The following ARHGAP15 variants were observed in gnomAD, a reference collection of about 807,000 sequenced individuals.
ARHGAP15 encodes the protein rho GTPase-activating protein 15.
In ARHGAP15, 51 loss-of-function variants were observed where a neutral mutation model predicts 63.7. That is an observed-to-expected ratio of 0.80 (90% CI 0.64 to 1.01). ARHGAP15 has a LOEUF of 1.01. ARHGAP15 is among the 50% of genes least tolerant of loss of function. The pLI is 0.00. For synonymous variants in ARHGAP15, 191 were observed against 193.8 expected (o/e 0.99, Z 0.12); for missense variants, 560 against 564.6 (o/e 0.99, Z 0.08).
intron 6 of ARHGAP15, among the ~76,000 whole-genome samples, chr2:143,418,317 C>G (rs1000002339): frequency 1.3e-5 from 2 of 152,148 alleles, no homozygotes; most frequent in Non-Finnish European, 2.9e-5. Flanking sequence ...GCTGAGACAC[C>G]TGTTGTCCTC....
chr2:143,615,197 G>C (rs557446140), intron 11 of ARHGAP15, among the ~76,000 whole-genome samples: 1 of 152,084 alleles, frequency 6.6e-6, no homozygotes, highest in Non-Finnish European at 1.5e-5. Context: ...CTTCATTTTG[G>C]TTGTCTTAAT....
At chr2:143,416,318 C>T (rs149729989) in intron 6 of ARHGAP15, among the ~76,000 whole-genome samples, 96 of 152,256 alleles carry the variant, frequency 6.3e-4, no homozygotes, top group Middle Eastern at 3.4e-3. Flanking sequence ...AGTCTGTATT[C>T]TCCAAGTCTT....
At chr2:143,288,910 G>A (rs938121600) in intron 6 of ARHGAP15, among the ~76,000 whole-genome samples, 1 of 151,716 alleles carries the variant, frequency 6.6e-6, no homozygotes, top group South Asian at 2.1e-4. Context: ...CTTTGTTGTT[G>A]AATCAGGGAC....
intron 8 of ARHGAP15, among the ~76,000 whole-genome samples, chr2:143,464,791 T>C (rs1278906418): frequency 6.6e-6 from 1 of 152,146 alleles, no homozygotes; most frequent in African/African-American, 2.4e-5. Flanking sequence ...TTATCATAGG[T>C]AATCATGATA....
intron 6 of ARHGAP15, among the ~76,000 whole-genome samples, chr2:143,379,113 C>G (rs182693928): frequency 1.2e-3 from 178 of 152,030 alleles, no homozygotes; most frequent in African/African-American, 4.0e-3. Context: ...CATATGCACT[C>G]ATTAAAAGCA....
At chr2:143,647,331 A>G (rs1317714137) in intron 12 of ARHGAP15, among the ~76,000 whole-genome samples, 3 of 150,358 alleles carry the variant, frequency 2.0e-5, no homozygotes, top group Non-Finnish European at 4.4e-5. Flanking sequence ...TCAATTGAGC[A>G]TGGTTAATTA....
chr2:143,183,081 T>C (rs950956816), intron 2 of ARHGAP15, among the ~76,000 whole-genome samples: 4 of 152,198 alleles, frequency 2.6e-5, no homozygotes, highest in Non-Finnish European at 2.9e-5. Flanking sequence ...TCGGCCTAAC[T>C]GGCAGCAAAG....
At chr2:143,190,536 C>T (rs1045953224) in intron 2 of ARHGAP15, among the ~76,000 whole-genome samples, 4 of 152,162 alleles carry the variant, frequency 2.6e-5, no homozygotes, top group Admixed American at 2.0e-4. Flanking sequence ...TCACACTCAC[C>T]TCTTCCCTCT....
At chr2:143,713,111 G>C (rs965692189) in intron 13 of ARHGAP15, among the ~76,000 whole-genome samples, 1 of 152,174 alleles carries the variant, frequency 6.6e-6, no homozygotes, top group African/African-American at 2.4e-5. Context: ...TAGTGTATTA[G>C]TCCATTTTCA....
At chr2:143,351,298 GAT>G (rs1440736333) in intron 6 of ARHGAP15, 2 of 152,158 alleles carry the variant, frequency 1.3e-5, no homozygotes, top group Admixed American at 6.6e-5. Flanking sequence ...CATCATGATT[GAT>G]ATATGTTTTT....
intron 6 of ARHGAP15, among the ~76,000 whole-genome samples, chr2:143,270,477 A>G (rs1681220191): frequency 6.6e-6 from 1 of 152,188 alleles, no homozygotes. Context: ...CCCATTGGTG[A>G]TATTTAATAT....
intron 6 of ARHGAP15, among the ~76,000 whole-genome samples, chr2:143,270,353 T>A (rs1176526618): frequency 6.6e-6 from 1 of 152,250 alleles, no homozygotes; most frequent in Non-Finnish European, 1.5e-5. Context: ...GAATATGATC[T>A]TCTTGGTATT....
intron 11 of ARHGAP15, among the ~76,000 whole-genome samples, chr2:143,614,493 A>G (rs558135206): frequency 1.2e-3 from 177 of 152,138 alleles, no homozygotes; most frequent in Non-Finnish European, 1.8e-3. Context: ...AGAATGATAA[A>G]CAAAGAGAAT....
chr2:143,530,874 T>C (rs181509951), intron 10 of ARHGAP15, among the ~76,000 whole-genome samples: 8 of 152,288 alleles, frequency 5.3e-5, no homozygotes, highest in Non-Finnish European at 1.0e-4. Context: ...TACCTCTCCT[T>C]CTAATGAAAC....
At chr2:143,592,370 T>C (rs1450415236) in intron 11 of ARHGAP15, among the ~76,000 whole-genome samples, 1 of 152,250 alleles carries the variant, frequency 6.6e-6, no homozygotes, top group Admixed American at 6.5e-5. Context: ...TTTTCTGCTA[T>C]TCTTAGTTGA....
chr2:143,322,067 G>T lies in ARHGAP15; in HGVS notation c.474+71467G>T, dbSNP rs553758984. Among the ~76,000 whole-genome samples the T allele has an allele frequency of 8.9e-5, 13 of 146,706 alleles. 1 individual carries two copies. The highest frequency in any genetic ancestry group is 3.7e-3 in the Middle Eastern group (1 of 272). ...AATTTTCATCTTTCCTGGATTCTAT[G>T]CCTTTTAAAATTTCTCTCTCCTGCA... is the stretch of plus-strand genomic sequence containing the variant. On this transcript the variant is annotated intron_variant, in intron 6 of 13. Transcript: ENST00000295095.
chr2:143,514,951 A>G (rs1693744848), intron 9 of ARHGAP15, among the ~76,000 whole-genome samples: 1 of 152,208 alleles, frequency 6.6e-6, no homozygotes, highest in African/African-American at 2.4e-5. Flanking sequence ...GGCCGAGCCC[A>G]ATATCAAAGA....
At chr2:143,529,992 A>T (rs1694453814) in intron 10 of ARHGAP15, among the ~76,000 whole-genome samples, 1 of 152,120 alleles carries the variant, frequency 6.6e-6, no homozygotes, top group Admixed American at 6.6e-5. Context: ...TATACCTGGC[A>T]TATGATAGGG....
intron 8 of ARHGAP15, among the ~76,000 whole-genome samples, chr2:143,484,744 TTAAA>T (rs1692245768): frequency 6.6e-6 from 1 of 152,242 alleles, no homozygotes; most frequent in African/African-American, 2.4e-5. Context: ...AAGAAACAAT[TTAAA>T]TAATAAGATA....
Sources: allele counts gnomAD v4.1 joint callset (sites outside exome capture counted in the v4.1 genomes callset), GRCh38; gene constraint gnomAD v4.1.1; transcripts MANE v1.5; gene names NCBI Gene and HGNC (gene_info 2026-07-23, HGNC 2026-07-21).